The following BZW2 variants were observed in gnomAD, a reference collection of about 807,000 sequenced individuals.
The protein encoded by BZW2 is basic leucine zipper and W2 domains 2.
BZW2 carries 23 observed loss-of-function variants against 53.2 expected under a neutral mutation model. The observed-to-expected ratio is 0.43, with a 90% CI of 0.31 to 0.61. The LOEUF is 0.61. Ranked by LOEUF, BZW2 falls within the 20% of genes least tolerant of loss-of-function variation. BZW2 has a pLI of 0.09. For synonymous variants in BZW2, 227 were observed against 186.4 expected (o/e 1.22, Z -1.77); for missense variants, 409 against 503.1 (o/e 0.81, Z 1.79).
chr7:16,696,725 A>T (rs568743364), intron 8 of BZW2, among the ~76,000 whole-genome samples, 190 bp from the exon 9 acceptor site: 3 of 151,784 alleles, frequency 2.0e-5, no homozygotes, highest in African/African-American at 7.3e-5. Context: ...GACTAAAAAT[A>T]AATTTGCTTT....
At chr7:16,674,189 C>T (rs1054896177) in intron 2 of BZW2, among the ~76,000 whole-genome samples, 80 of 152,302 alleles carry the variant, frequency 5.3e-4, no homozygotes, top group African/African-American at 1.7e-3. Context: ...CGTGAGCCAC[C>T]GCGCCCGGCC....
rs1782135948 is a variant in BZW2, at chr7:16,656,754, T to A, written c.-7-8683T>A. Among the ~76,000 whole-genome samples, 3 of 152,352 alleles carry A rather than the reference T, an allele frequency of 2.0e-5. No individual in the cohort carries two copies. In the South Asian group the frequency reaches 6.2e-4, roughly 32 times the overall value. On this transcript the variant is annotated intron_variant, in intron 1 of 11. Coordinates refer to ENST00000258761, the MANE Select transcript of BZW2 (RefSeq NM_014038.3). Reference sequence around the variant, plus strand: ...CACTTACTTCCCTTTCCTTGTGTACTGAAAAATTTGTTTTCTTTAAAATGA... The same window carrying A: ...CACTTACTTCCCTTTCCTTGTGTACAGAAAAATTTGTTTTCTTTAAAATGA...
intron 1 of BZW2, among the ~76,000 whole-genome samples, chr7:16,658,728 A>G (rs192187892): frequency 6.6e-6 from 1 of 152,068 alleles, no homozygotes; most frequent in Non-Finnish European, 1.5e-5. Context: ...TACAAAAATT[A>G]GCCGGGCATG....
intron 3 of BZW2, among the ~76,000 whole-genome samples, chr7:16,679,293 T>C (rs1162737105): frequency 1.3e-5 from 2 of 152,254 alleles, no homozygotes; most frequent in African/African-American, 4.8e-5. Context: ...AGTATTAATT[T>C]GGGGAACTAA....
chr7:16,674,407 T>A lies in BZW2; in HGVS notation c.59-5T>A. The stretch of plus-strand genomic sequence containing the variant: ...TGACTGTTATTTTGAATTGTTTTAT[T>A]TTAGATGAAAAAGAGAAATTCGAAC... On this transcript the variant is annotated splice_region_variant and splice_polypyrimidine_tract_variant and intron_variant, in intron 2 of 11. Coordinates refer to ENST00000258761, the MANE Select transcript of BZW2 (RefSeq NM_014038.3). 1 of 1,577,900 alleles carries A rather than the reference T, an allele frequency of 6.3e-7. No individual in the cohort carries two copies. The highest frequency in any genetic ancestry group is 8.6e-7 in the Non-Finnish European group (1 of 1,161,392).
At position 16,697,061 on chromosome 7, in the gene BZW2, G is replaced by T; in HGVS notation, c.969G>T (p.Lys323Asn). 6.2e-7 allele frequency: 1 copy of T among 1,613,748 alleles called. No homozygotes were observed. Among genetic ancestry groups the T allele is most frequent in the Non-Finnish European group, 8.5e-7 (1 of 1,179,848 alleles). The stretch of plus-strand genomic sequence containing the variant: ...CAGAGCAGGCTCTGAAGCACCTGAA[G>T]GTAACAGCCCTTAGCAAGGAACTGA... ...LVAEQALKHL[K>N]QYAPLLAVFS... Residue 323 changes from lysine (K) to asparagine (N), a missense_variant and splice_region_variant, in exon 9 of 12, where the codon AAG (lysine) becomes AAT (asparagine). This residue lies in a region of BZW2 where 88 missense variants were observed against 114.6 expected (regional missense o/e 0.77). Coordinates refer to ENST00000258761, the MANE Select transcript of BZW2 (RefSeq NM_014038.3).
intron 1 of BZW2, among the ~76,000 whole-genome samples, chr7:16,659,090 T>TA (rs1245166315): frequency 6.6e-6 from 1 of 151,806 alleles, no homozygotes; most frequent in African/African-American, 2.4e-5. Context: ...GGCGAAACTC[T>TA]TAAAAACTAA....
At chr7:16,672,634 A>G (rs1405468647) in intron 2 of BZW2, among the ~76,000 whole-genome samples, 1 of 152,132 alleles carries the variant, frequency 6.6e-6, no homozygotes, top group East Asian at 1.9e-4. Flanking sequence ...TTTGGAAAAA[A>G]AGGGTGATGT....
At chr7:16,690,394 G>A (rs540565328) in intron 7 of BZW2, among the ~76,000 whole-genome samples, 16 of 151,866 alleles carry the variant, frequency 1.1e-4, no homozygotes, top group South Asian at 2.1e-4. Context: ...TAATAGAGAC[G>A]GGGTTTCACC....
rs1305195566 is a variant in BZW2 at position 16,686,022 on chromosome 7, G to T, written c.523G>T (p.Asp175Tyr). ...PATILTSLFTDSLVKEGIAAS... is the reference protein window; with the variant it reads ...PATILTSLFTYSLVKEGIAAS... Reference sequence around the variant, plus strand: ...CACCATCCTCACCAGTCTCTTCACCGACAGCTTAGTCAAAGAAGGTAACGA... The same window carrying T: ...CACCATCCTCACCAGTCTCTTCACCTACAGCTTAGTCAAAGAAGGTAACGA... Residue 175 changes from aspartate (D) to tyrosine (Y), a missense_variant, in exon 6 of 12, where the codon GAC becomes TAC. Physicochemically the swap from Asp to Tyr is radical, Grantham distance 160. Around this residue, in one of 3 missense-constraint regions of BZW2, gnomAD observed 316 missense variants for 366.8 expected, o/e 0.86. Transcript: ENST00000258761. 6 of 1,611,318 alleles carry T rather than the reference G, an allele frequency of 3.7e-6. No individual in the cohort carries two copies. The highest frequency in any genetic ancestry group is 5.1e-6 in the Non-Finnish European group (6 of 1,179,128).
At chr7:16,658,202 T>C (rs1782167023) in intron 1 of BZW2, among the ~76,000 whole-genome samples, 1 of 152,076 alleles carries the variant, frequency 6.6e-6, no homozygotes, top group Non-Finnish European at 1.5e-5. Context: ...AAAAGTAGAA[T>C]TGCAGTAACT....
intron 7 of BZW2, among the ~76,000 whole-genome samples, chr7:16,694,170 T>C (rs1783408984): frequency 6.6e-6 from 1 of 152,222 alleles, no homozygotes; most frequent in African/African-American, 2.4e-5. Flanking sequence ...GGTGAAAATA[T>C]GAGAGCAGCT....
chr7:16,693,597 A>G (rs983897556), intron 7 of BZW2, among the ~76,000 whole-genome samples: 1 of 152,184 alleles, frequency 6.6e-6, no homozygotes, highest in Non-Finnish European at 1.5e-5. Flanking sequence ...TACCGTCTAG[A>G]AAAATGTCTG....
At chr7:16,656,598 A>C (rs970477590) in intron 1 of BZW2, among the ~76,000 whole-genome samples, 2 of 122,624 alleles carry the variant, frequency 1.6e-5, no homozygotes, top group African/African-American at 3.7e-5. Context: ...CACACACACA[A>C]GTAGGTTTAG....
At chr7:16,671,368 A>C (rs1016245470) in intron 2 of BZW2, among the ~76,000 whole-genome samples, 9 of 152,212 alleles carry the variant, frequency 5.9e-5, no homozygotes, top group African/African-American at 2.2e-4. Flanking sequence ...TAATAAATGT[A>C]ATTATCTCTT....
intron 6 of BZW2, chr7:16,686,660 A>T (rs1354801741): frequency 6.6e-6 from 1 of 152,292 alleles, no homozygotes. Flanking sequence ...AACACAAAAC[A>T]GTTATTTTTC....
At chr7:16,657,439 T>G (rs559849053) in intron 1 of BZW2, among the ~76,000 whole-genome samples, 8 of 152,348 alleles carry the variant, frequency 5.3e-5, no homozygotes, top group African/African-American at 1.7e-4. Flanking sequence ...TTTTCTTTCT[T>G]GTTTTTGTTT....
At chr7:16,673,993 G>A (rs1232993783) in intron 2 of BZW2, among the ~76,000 whole-genome samples, 5 of 152,198 alleles carry the variant, frequency 3.3e-5, no homozygotes, top group African/African-American at 1.2e-4. Context: ...TCCACCTCCT[G>A]GGTTCAAGTG....
At chr7:16,651,548 C>G (rs1781983201) in intron 1 of BZW2, among the ~76,000 whole-genome samples, 1 of 152,122 alleles carries the variant, frequency 6.6e-6, no homozygotes, top group Non-Finnish European at 1.5e-5. Flanking sequence ...GGAAAGAGAA[C>G]CCCTAGTTGT....
Sources: gnomAD v4.1 joint callset for allele counts (sites outside exome capture counted in the v4.1 genomes callset) on GRCh38, gnomAD v4.1.1 for gene constraint, gnomAD v4.1.1 regional missense constraint, MANE v1.5 for transcripts, NCBI Gene and HGNC (gene_info 2026-07-23, HGNC 2026-07-21) for gene names.